Variants in RPS6KC1 observed in about 807,000 individuals in gnomAD.
RPS6KC1 encodes inactive ribosomal protein S6 kinase delta-1.
A neutral mutation model predicts 103.8 loss-of-function variants in RPS6KC1; 54 were observed. The observed-to-expected ratio is 0.52, with a 90% confidence interval of 0.42 to 0.65. The LOEUF (loss-of-function observed/expected upper bound fraction) is 0.65. Among genes scored for constraint, RPS6KC1 ranks in the 30% least tolerant of loss-of-function variants. The pLI, the probability that RPS6KC1 is intolerant of heterozygous loss-of-function variation, is 0.00. For synonymous variants in RPS6KC1, 439 were observed against 438.7 expected (o/e 1.00, Z -0.01); for missense variants, 1,151 against 1,253.8 (o/e 0.92, Z 1.24).
the RPS6KC1 span, among the ~76,000 whole-genome samples, chr1:213,292,289 C>CA: frequency 1.3e-4 from 20 of 151,378 alleles, no homozygotes; most frequent in Admixed American, 2.0e-4. Flanking sequence ...CAAAACAAAA[C>CA]AAAAAAAACA....
intron 8 of RPS6KC1, among the ~76,000 whole-genome samples, chr1:213,203,192 T>C (rs2093228251): frequency 6.6e-6 from 1 of 152,160 alleles, no homozygotes; most frequent in Non-Finnish European, 1.5e-5. Context: ...GGGATATTTG[T>C]ATTATATATA....
At chr1:213,859,676 A>G in the RPS6KC1 span, among the ~76,000 whole-genome samples, 30 of 152,308 alleles carry the variant, frequency 2.0e-4, no homozygotes, top group Admixed American at 5.9e-4. Context: ...ATTATCATTA[A>G]CTGTGCTTGA....
the RPS6KC1 span, among the ~76,000 whole-genome samples, chr1:213,808,346 T>G: frequency 6.6e-6 from 1 of 152,242 alleles, no homozygotes; most frequent in African/African-American, 2.4e-5. Flanking sequence ...CAGAGGTTAC[T>G]GCTGTCTTTT....
chr1:213,313,006 A>G, the RPS6KC1 span, among the ~76,000 whole-genome samples: 1 of 151,928 alleles, frequency 6.6e-6, no homozygotes. Flanking sequence ...GAAGATTTTT[A>G]CTCTGAAGTT....
the RPS6KC1 span, among the ~76,000 whole-genome samples, chr1:213,595,157 T>G: frequency 6.6e-6 from 1 of 152,200 alleles, no homozygotes; most frequent in Non-Finnish European, 1.5e-5. Context: ...ACTCTTCCTC[T>G]TCTTTGTGTT....
intron 4 of RPS6KC1, among the ~76,000 whole-genome samples, chr1:213,113,160 C>G (rs555877126): frequency 0.034 from 5,178 of 152,104 alleles, 118 homozygotes; most frequent in Middle Eastern, 0.054. Flanking sequence ...AATGGTTGAA[C>G]TAGTTTACAG....
the RPS6KC1 span, among the ~76,000 whole-genome samples, chr1:213,407,674 G>A: frequency 3.9e-5 from 6 of 152,258 alleles, no homozygotes; most frequent in African/African-American, 1.4e-4. Context: ...ATACATTTTT[G>A]TTCTAGTGTT....
the RPS6KC1 span, among the ~76,000 whole-genome samples, chr1:213,289,062 G>A: frequency 1.3e-5 from 2 of 152,040 alleles, no homozygotes; most frequent in African/African-American, 4.8e-5. Context: ...GCCCCCTGCT[G>A]TTCCTCAGGC....
intron 6 of RPS6KC1, among the ~76,000 whole-genome samples, chr1:213,145,881 C>G (rs1178439323): frequency 6.7e-6 from 1 of 149,056 alleles, no homozygotes; most frequent in African/African-American, 2.5e-5. Context: ...CAATTACACG[C>G]TATGTTTTTA....
At chr1:213,106,701 A>G (rs2082532838) in intron 4 of RPS6KC1, among the ~76,000 whole-genome samples, 1 of 152,200 alleles carries the variant, frequency 6.6e-6, no homozygotes, top group African/African-American at 2.4e-5. Flanking sequence ...GACTTTAAAA[A>G]ACCACATACA....
At chr1:213,418,710 A>T in the RPS6KC1 span, among the ~76,000 whole-genome samples, 3 of 152,166 alleles carry the variant, frequency 2.0e-5, no homozygotes. Flanking sequence ...CCTTGTCAAC[A>T]GGGGTGGAGT....
chr1:213,118,041 C>CAAAAAAAAAAAAAAAAAA (rs1377302333), intron 5 of RPS6KC1, among the ~76,000 whole-genome samples: 1 of 39,682 alleles, frequency 2.5e-5, no homozygotes, highest in Admixed American at 1.8e-4. Flanking sequence ...AAAAAAAAAG[C>CAAAAAAAAAAAAAAAAAA]CTTACTCATT....
At chr1:213,750,030 C>A in the RPS6KC1 span, among the ~76,000 whole-genome samples, 1 of 152,200 alleles carries the variant, frequency 6.6e-6, no homozygotes. Context: ...AGACACATAT[C>A]AAATGAAAAT....
chr1:213,386,394 C>G, the RPS6KC1 span, among the ~76,000 whole-genome samples: 1 of 152,206 alleles, frequency 6.6e-6, no homozygotes, highest in East Asian at 1.9e-4. Flanking sequence ...GTTTCCTCAT[C>G]TGTGCAAAGT....
At chr1:213,180,989 T>C (rs778684809) in intron 8 of RPS6KC1, among the ~76,000 whole-genome samples, 58 of 152,302 alleles carry the variant, frequency 3.8e-4, no homozygotes, top group Middle Eastern at 6.8e-3. Flanking sequence ...TTCCTGGTTT[T>C]GATATTGAAT....
chr1:213,631,747 T>C, the RPS6KC1 span, among the ~76,000 whole-genome samples: 1 of 152,150 alleles, frequency 6.6e-6, no homozygotes, highest in African/African-American at 2.4e-5. Context: ...GGTATAAAAA[T>C]GGGGCTTCTC....
chr1:213,262,937 G>T, intron 14 of RPS6KC1, 121 bp downstream of exon 14: 1 of 692,702 alleles, frequency 1.4e-6, no homozygotes. Flanking sequence ...GTAAAACAAA[G>T]ACACGTTCAG....
At chr1:213,574,212 G>A in the RPS6KC1 span, among the ~76,000 whole-genome samples, 7 of 152,172 alleles carry the variant, frequency 4.6e-5, no homozygotes, top group Middle Eastern at 3.2e-3. Flanking sequence ...TTCCTTGATA[G>A]TGTCTTTCAT....
At chr1:213,861,440 C>T in the RPS6KC1 span, among the ~76,000 whole-genome samples, 9 of 152,224 alleles carry the variant, frequency 5.9e-5, no homozygotes, top group Admixed American at 1.3e-4. Context: ...ACAGCGTGGA[C>T]GTGGATGGAG....
Sources: allele counts gnomAD v4.1 joint callset (sites outside exome capture counted in the v4.1 genomes callset), GRCh38; gene constraint gnomAD v4.1.1; transcripts MANE v1.5; gene names NCBI Gene and HGNC (gene_info 2026-07-23, HGNC 2026-07-21).